CCDC30: variants seen among roughly 807,000 people sequenced by gnomAD.
CCDC30 encodes coiled-coil domain containing 30, also known as coiled-coil domain-containing protein 30.
A neutral mutation model predicts 100.2 loss-of-function variants in CCDC30; 70 were observed. The ratio of observed to expected loss-of-function variants is 0.70; its 90% confidence interval spans 0.58 to 0.85. The LOEUF is 0.85. Ranked by LOEUF, CCDC30 falls within the 40% of genes least tolerant of loss-of-function variation. The pLI is 0.00. For synonymous variants in CCDC30, 233 were observed against 269.5 expected, an observed-to-expected ratio of 0.86 and a Z score of 1.33; for missense variants, 652 against 771.2, an observed-to-expected ratio of 0.85 and a Z score of 1.83.
At chr1:42,543,029 C>T (rs1012557524) in intron 6 of CCDC30, among the ~76,000 whole-genome samples, 9 of 152,128 alleles carry the variant, frequency 5.9e-5, no homozygotes, top group Admixed American at 4.6e-4. Flanking sequence ...AATGCAAGCT[C>T]ATTAATAAAA....
intron 7 of CCDC30, among the ~76,000 whole-genome samples, chr1:42,573,288 G>A (rs1316635808): frequency 6.6e-6 from 1 of 152,010 alleles, no homozygotes; most frequent in Non-Finnish European, 1.5e-5. Context: ...GAGAGTATGT[G>A]TATTTAGGTT....
intron 15 of CCDC30, among the ~76,000 whole-genome samples, chr1:42,651,166 G>A (rs1648314001): frequency 6.6e-6 from 1 of 152,060 alleles, no homozygotes; most frequent in Non-Finnish European, 1.5e-5. Context: ...ATATTGACCT[G>A]GACAACAATT....
chr1:42,486,493 A>AGT (rs1424549732), intron 3 of CCDC30, among the ~76,000 whole-genome samples: 1 of 152,172 alleles, frequency 6.6e-6, no homozygotes, highest in African/African-American at 2.4e-5. Context: ...CTAGGCAGAA[A>AGT]GTGTGTGTGT....
intron 1 of CCDC30, among the ~76,000 whole-genome samples, chr1:42,476,501 A>G (rs1408379390): frequency 1.3e-5 from 2 of 151,972 alleles, no homozygotes; most frequent in Admixed American, 6.6e-5. Context: ...GACCAGCTTG[A>G]CCAACATGGA....
chr1:42,535,701 T>TATATATAAA (rs1644885488), intron 6 of CCDC30, among the ~76,000 whole-genome samples: 2 of 70,510 alleles, frequency 2.8e-5, no homozygotes, highest in Admixed American at 2.1e-4. Flanking sequence ...CACTACTATA[T>TATATATAAA]ATATATATTA....
intron 6 of CCDC30, chr1:42,500,175 G>A: frequency 4.1e-6 from 6 of 1,455,962 alleles, no homozygotes; most frequent in South Asian, 3.4e-5. Context: ...CTTGTGGAAC[G>A]TACAGTGCAT....
At chr1:42,488,605 C>A (rs556967893) in intron 3 of CCDC30, among the ~76,000 whole-genome samples, 1 of 152,104 alleles carries the variant, frequency 6.6e-6, no homozygotes, top group Non-Finnish European at 1.5e-5. Flanking sequence ...TGTGCCCAAC[C>A]CCAGAAAGCT....
intron 12 of CCDC30, among the ~76,000 whole-genome samples, chr1:42,641,215 T>TTGTGTGTGTG (rs71065188): frequency 1.1e-3 from 143 of 132,442 alleles, no homozygotes; most frequent in South Asian, 5.3e-3. Flanking sequence ...CACATGGCTT[T>TTGTGTGTGTG]TGTGTGTGTG....
chr1:42,535,657 T>G (rs1443401663), intron 6 of CCDC30, among the ~76,000 whole-genome samples: 1 of 129,032 alleles, frequency 7.8e-6, no homozygotes, highest in Non-Finnish European at 1.6e-5. Flanking sequence ...CCCAGGAGTT[T>G]GAGAACAGGC....
chr1:42,507,400 T>C (rs759881107), intron 6 of CCDC30, among the ~76,000 whole-genome samples: 1 of 152,204 alleles, frequency 6.6e-6, no homozygotes, highest in African/African-American at 2.4e-5. Context: ...AATGATATAA[T>C]ACCCTTTTGA....
chr1:42,557,769 T>C (rs1645402272), intron 6 of CCDC30, among the ~76,000 whole-genome samples: 3 of 147,168 alleles, frequency 2.0e-5, no homozygotes, highest in Non-Finnish European at 4.5e-5. Flanking sequence ...AAAATTAGGA[T>C]AGTTAAGGCT....
intron 6 of CCDC30, among the ~76,000 whole-genome samples, chr1:42,540,689 A>G (rs1644996196): frequency 6.6e-6 from 1 of 151,868 alleles, no homozygotes; most frequent in Non-Finnish European, 1.5e-5. Flanking sequence ...ACACACACAC[A>G]CACAGTTTTT....
chr1:42,583,673 C>G (rs894806583), intron 9 of CCDC30, among the ~76,000 whole-genome samples: 1 of 152,024 alleles, frequency 6.6e-6, no homozygotes, highest in Admixed American at 6.6e-5. Context: ...GCACTTCTAC[C>G]AGGAAATAGA....
At position 42,634,270 on chromosome 1, in the gene CCDC30, A is replaced by AAAAAC. The variant is rs1239671742; in HGVS notation, c.1278-2960_1278-2956dup. ...GTCTCAAAAAAAAAAAAAAAAAAAA[A>AAAAAC]AAAACAAAACATTACAGCCTTCCAG... On this transcript the variant is annotated intron_variant, in intron 11 of 16. Transcript: ENST00000668663. Among the ~76,000 whole-genome samples the AAAAAC allele has an allele frequency of 4.2e-3, 592 of 140,186 alleles. 6 individuals carry two copies. The highest frequency in any genetic ancestry group is 6.1e-3 in the East Asian group (27 of 4,392). The allele number at this position is 140,186 out of a possible 152,430, so 92.0% of individuals were successfully genotyped here. A position where few individuals can be genotyped will look rare whatever the true frequency, so the allele number is the denominator to read the frequency against.
At position 42,646,162 on chromosome 1, in the gene CCDC30, T is replaced by C. The variant is rs757163149; in HGVS notation, c.1699T>C (p.Trp567Arg). ...TCTTAAGGAGTTTCCTGTTCCAAAA[T>C]GGTGGCATAGAGGCAAGCTGGCTTC... is the stretch of plus-strand genomic sequence containing the variant. Residue 567 changes from tryptophan (W) to arginine (R), a missense_variant, in exon 15 of 17, where the codon TGG becomes CGG. Physicochemically the swap from Trp to Arg is moderately radical, Grantham distance 101. Coordinates refer to ENST00000668663, the Ensembl canonical transcript of CCDC30. The C allele has an allele frequency of 4.4e-6, 7 of 1,597,800 alleles. No homozygotes were observed. The African/African-American group carries it at 9.5e-5, about 22-fold the overall frequency.
In CCDC30 at chr1:42,546,398, AAATATATATATATATATATATATAT is replaced by A. The variant is rs1304268978; in HGVS notation, c.457-19896_457-19872del. ...GAAATTCTGTCTCAAAAAAAAAAAAAAATATATATATATATATATATATATATATATATATATATATATAGTATTC... is the reference window on the plus strand; with the variant it reads ...GAAATTCTGTCTCAAAAAAAAAAAAAATATATATATATATATATAGTATTC... On this transcript the variant is annotated intron_variant, in intron 6 of 16. Coordinates refer to ENST00000668663, the Ensembl canonical transcript of CCDC30. Among the ~76,000 whole-genome samples, 43 of 22,772 alleles carry A rather than the reference AAATATATATATATATATATATATAT, an allele frequency of 1.9e-3. 4 individuals are homozygous for A. Among genetic ancestry groups the A allele is most frequent in the Non-Finnish European group, 3.4e-3 (37 of 10,736 alleles). The allele number at this position is 22,772 out of a possible 152,430, so 14.9% of individuals were successfully genotyped here.
At chr1:42,654,133 A>C (rs1648577661) in exon 17 of CCDC30, 2 of 746,280 alleles carry the variant, frequency 2.7e-6, no homozygotes, top group South Asian at 3.5e-5. Context: ...CCAAATGGAT[A>C]TCACCCAAGA....
chr1:42,632,406 G>A (rs1647054686), intron 11 of CCDC30, among the ~76,000 whole-genome samples: 1 of 152,004 alleles, frequency 6.6e-6, no homozygotes. Context: ...GGTGGAGGTT[G>A]CAGTGAGCCA....
At chr1:42,656,854 AT>A (rs1238499824), downstream of CCDC30, among the ~76,000 whole-genome samples, 1 of 152,182 alleles carries the variant, frequency 6.6e-6, no homozygotes, top group African/African-American at 2.4e-5. Context: ...ATCATCATTT[AT>A]TTTCACTAGA....
Sources: gnomAD v4.1 joint callset for allele counts (sites outside exome capture counted in the v4.1 genomes callset) on GRCh38, gnomAD v4.1.1 for gene constraint, MANE v1.5 for transcripts, NCBI Gene and HGNC (gene_info 2026-07-23, HGNC 2026-07-21) for gene names.